Variants in CBFA2T3 observed in about 807,000 individuals in gnomAD.
The protein encoded by CBFA2T3 is CBFA2/RUNX1 partner transcriptional co-repressor 3.
CBFA2T3 carries 31 observed loss-of-function variants against 58.6 expected under a neutral mutation model. The ratio of observed to expected loss-of-function variants is 0.53; its 90% CI spans 0.40 to 0.71. The LOEUF (loss-of-function observed/expected upper bound fraction) is 0.71, where lower values mean the gene tolerates loss of function less well. Ranked by LOEUF, CBFA2T3 falls within the 30% of genes least tolerant of loss-of-function variation. The pLI is 0.00. For synonymous variants in CBFA2T3, 531 were observed against 421.9 expected (o/e 1.26, Z -3.17); for missense variants, 1,076 against 963.1 (o/e 1.12, Z -1.55).
chr16:88,940,843 G>C (rs942289157), intron 1 of CBFA2T3, among the ~76,000 whole-genome samples: 5 of 152,186 alleles, frequency 3.3e-5, no homozygotes, highest in African/African-American at 1.2e-4. Flanking sequence ...GCTCACGGGG[G>C]GCTGCGCTCA....
chr16:88,935,575 C>CAGG (rs1971470299), intron 1 of CBFA2T3, among the ~76,000 whole-genome samples: 7 of 152,344 alleles, frequency 4.6e-5, no homozygotes, highest in South Asian at 2.1e-4. Context: ...TGCAGGCTGT[C>CAGG]CTCGCGTGGG....
At chr16:88,972,760 G>A (rs528132393) in intron 1 of CBFA2T3, among the ~76,000 whole-genome samples, 10 of 152,304 alleles carry the variant, frequency 6.6e-5, no homozygotes, top group African/African-American at 2.2e-4. Flanking sequence ...CTCCCAGGCT[G>A]GCTCCCCGAC....
At chr16:88,934,502 C>T (rs997256555) in intron 1 of CBFA2T3, among the ~76,000 whole-genome samples, 2 of 152,228 alleles carry the variant, frequency 1.3e-5, no homozygotes, top group East Asian at 1.9e-4. Context: ...CCGGCACGGC[C>T]GGCACCATCG....
At chr16:88,889,314 G>A (rs1167655299) in intron 5 of CBFA2T3, among the ~76,000 whole-genome samples, 1 of 140,614 alleles carries the variant, frequency 7.1e-6, no homozygotes. Flanking sequence ...GATAGAGGAG[G>A]GAGGGCAGGA....
chr16:88,889,940 A>C (rs1165604388), intron 5 of CBFA2T3, among the ~76,000 whole-genome samples: 1 of 133,526 alleles, frequency 7.5e-6, no homozygotes, highest in African/African-American at 2.9e-5. Flanking sequence ...TCCAGGGACG[A>C]CGCCGTGCGA....
chr16:88,954,375 AC>A, intron 1 of CBFA2T3, among the ~76,000 whole-genome samples: 1 of 137,240 alleles, frequency 7.3e-6, no homozygotes, highest in Non-Finnish European at 1.5e-5. Flanking sequence ...AAGGCTCCTG[AC>A]CCCACCCAAG....
chr16:88,912,548 C>G (rs1970563581), intron 1 of CBFA2T3, among the ~76,000 whole-genome samples: 1 of 152,344 alleles, frequency 6.6e-6, no homozygotes, highest in East Asian at 1.9e-4. Context: ...TGTCCCTGCC[C>G]CCACGCTCTC....
chr16:88,888,683 G>A (rs1208635370), intron 5 of CBFA2T3, among the ~76,000 whole-genome samples: 1 of 149,500 alleles, frequency 6.7e-6, no homozygotes, highest in African/African-American at 2.5e-5. Flanking sequence ...TGAGCCACAA[G>A]ACCTGGAAGC....
At chr16:88,907,988 G>T (rs1287096999) in intron 1 of CBFA2T3, among the ~76,000 whole-genome samples, 1 of 152,144 alleles carries the variant, frequency 6.6e-6, no homozygotes, top group African/African-American at 2.4e-5. Context: ...GAGAGTGCCA[G>T]TTCCTCCCCC....
rs529742127 is a variant in CBFA2T3 at position 88,885,135 on chromosome 16, C to A, written c.1028G>T (p.Arg343Leu). ...GTGGGCCATGGCTATGTCCTCCAGG[C>A]GGTAGTGCGGCGGCGGTGTGGGCTG... ...PPQPTPPPHY[R>L]LEDIAMAHHF... is the part of the protein sequence containing the mutation. Residue 343 changes from arginine (R) to leucine (L), a missense_variant, in exon 7 of 12, where the codon CGC becomes CTC. Transcript: ENST00000268679. This position sits in a 1 kb window ranked among gnomAD's most constrained non-coding sequence, Gnocchi z 5.3. The A allele has an allele frequency of 6.2e-7, 1 of 1,600,300 alleles. No individual in the cohort carries two copies. The highest frequency in any genetic ancestry group is 8.5e-7 in the Non-Finnish European group (1 of 1,174,862).
intron 5 of CBFA2T3, among the ~76,000 whole-genome samples, chr16:88,887,625 G>A (rs1275728645): frequency 6.6e-6 from 1 of 152,156 alleles, no homozygotes; most frequent in East Asian, 1.9e-4. Context: ...GGCAAGCAGG[G>A]AATGTTTCCT....
At chr16:88,912,807 G>T (rs1970572372) in intron 1 of CBFA2T3, among the ~76,000 whole-genome samples, 1 of 152,234 alleles carries the variant, frequency 6.6e-6, no homozygotes, top group Admixed American at 6.5e-5. Context: ...GCCTGGGCTG[G>T]GCTTGAATCG....
chr16:88,975,675 G>T (rs532741720), intron 1 of CBFA2T3, among the ~76,000 whole-genome samples: 7 of 152,402 alleles, frequency 4.6e-5, no homozygotes, highest in Middle Eastern at 3.4e-3. Flanking sequence ...TTTGCATTCC[G>T]GGCACCCGGG....
intron 1 of CBFA2T3, among the ~76,000 whole-genome samples, chr16:88,952,956 CGAGACGGCA>C (rs1972117879): frequency 6.8e-6 from 1 of 146,992 alleles, no homozygotes; most frequent in Non-Finnish European, 1.5e-5. Flanking sequence ...GGGCCTGTGT[CGAGACGGCA>C]TGTCCAGGAC....
At chr16:88,955,946 C>G (rs1454361604) in intron 1 of CBFA2T3, among the ~76,000 whole-genome samples, 1 of 145,954 alleles carries the variant, frequency 6.9e-6, no homozygotes, top group Non-Finnish European at 1.5e-5. Flanking sequence ...CCGCCCAAGG[C>G]TCCTGACCCC....
intron 1 of CBFA2T3, among the ~76,000 whole-genome samples, chr16:88,912,068 A>G (rs1011925095): frequency 6.6e-6 from 1 of 152,114 alleles, no homozygotes; most frequent in Admixed American, 6.5e-5. Context: ...AAATCTCACA[A>G]ACTCCCTCCG....
chr16:88,912,520 G>A (rs1400681697), intron 1 of CBFA2T3, among the ~76,000 whole-genome samples: 2 of 152,186 alleles, frequency 1.3e-5, no homozygotes, highest in East Asian at 1.9e-4. Flanking sequence ...CCTCAGAGAA[G>A]CCTTCCCTGA....
intron 1 of CBFA2T3, among the ~76,000 whole-genome samples, chr16:88,975,926 T>A (rs7193421): frequency 2.0e-5 from 3 of 152,162 alleles, no homozygotes; most frequent in South Asian, 4.1e-4. Context: ...TGTGAGCTCC[T>A]GAAGGTTCCG....
At chr16:88,895,804 G>A (rs1597687807) in intron 3 of CBFA2T3, among the ~76,000 whole-genome samples, 3 of 152,174 alleles carry the variant, frequency 2.0e-5, no homozygotes, top group African/African-American at 7.2e-5. Context: ...CCCTGCCCTC[G>A]AGGGCTGGGG....
Sources: allele counts gnomAD v4.1 joint callset (sites outside exome capture counted in the v4.1 genomes callset), GRCh38; gene constraint gnomAD v4.1.1; non-coding constraint Gnocchi (gnomAD v3.1); transcripts MANE v1.5; gene names NCBI Gene and HGNC (gene_info 2026-07-23, HGNC 2026-07-21).